Variants in CNTN4 observed in about 807,000 individuals in gnomAD.
The protein encoded by CNTN4 is contactin-4.
Under a neutral mutation model 122.5 loss-of-function variants are expected in CNTN4, and 77 were observed. That is an observed-to-expected ratio of 0.63 (90% confidence interval 0.52 to 0.76). CNTN4 has a LOEUF of 0.76. Ranked by LOEUF, CNTN4 falls within the 30% of genes least tolerant of loss-of-function variation. The probability of loss-of-function intolerance (pLI) is 0.00; values close to 1 mark genes in which losing one functional copy is unlikely to be tolerated. For missense variants in CNTN4, 1,256 were observed against 1,259.1 expected (o/e 1.00, Z 0.04); for synonymous variants, 512 against 447.0 (o/e 1.15, Z -1.83).
chr3:2,771,809 T>C lies in CNTN4; in HGVS notation c.358+26112T>C, dbSNP rs141284149. On this transcript the variant is annotated intron_variant, in intron 6 of 24. Transcript: ENST00000418658. ...AGACAGCAGTGTGCACAGTATGTAA[T>C]GAAAACATGGAGAAGCAATATGTAA... is the stretch of plus-strand genomic sequence containing the variant. Among the ~76,000 whole-genome samples, 36 of 152,272 alleles carry C rather than the reference T, an allele frequency of 2.4e-4. No homozygotes were observed. In the East Asian group the frequency reaches 6.0e-3, roughly 25 times the overall value.
At chr3:2,740,459 A>G (rs889675140) in intron 5 of CNTN4, among the ~76,000 whole-genome samples, 4 of 152,200 alleles carry the variant, frequency 2.6e-5, no homozygotes, top group African/African-American at 9.6e-5. Context: ...ATAAAATTAT[A>G]AAGAATATCA....
intron 3 of CNTN4, among the ~76,000 whole-genome samples, chr3:2,496,956 T>C (rs992256477): frequency 6.6e-6 from 1 of 152,156 alleles, no homozygotes; most frequent in Non-Finnish European, 1.5e-5. Context: ...CAGACAAAGA[T>C]GGATGTCCCA....
At chr3:2,540,543 T>C (rs1054873244) in intron 3 of CNTN4, among the ~76,000 whole-genome samples, 48 of 152,226 alleles carry the variant, frequency 3.2e-4, no homozygotes, top group Middle Eastern at 3.4e-3. Flanking sequence ...CCTACTGCTA[T>C]GGACATTTTA....
chr3:2,355,327 T>C (rs2044822991), intron 3 of CNTN4, among the ~76,000 whole-genome samples: 2 of 152,318 alleles, frequency 1.3e-5, no homozygotes, highest in Admixed American at 1.3e-4. Context: ...TTTTGGTCTG[T>C]GTAAAAATAT....
At chr3:2,792,580 C>G (rs1376812704) in intron 6 of CNTN4, among the ~76,000 whole-genome samples, 1 of 152,216 alleles carries the variant, frequency 6.6e-6, no homozygotes, top group African/African-American at 2.4e-5. Flanking sequence ...AGCAAATGCA[C>G]TCAGATTTTT....
At chr3:2,213,004 A>C (rs79550509) in intron 2 of CNTN4, among the ~76,000 whole-genome samples, 24 of 152,314 alleles carry the variant, frequency 1.6e-4, no homozygotes, top group African/African-American at 5.5e-4. Flanking sequence ...TGAAATAATG[A>C]ATTTTTCATT....
chr3:2,358,719 C>A (rs1186428384), intron 3 of CNTN4, among the ~76,000 whole-genome samples: 1 of 152,104 alleles, frequency 6.6e-6, no homozygotes, highest in African/African-American at 2.4e-5. Context: ...CATTTTTCAT[C>A]ATGCAGCTAA....
chr3:2,616,020 CTTT>C (rs35080057), intron 4 of CNTN4, among the ~76,000 whole-genome samples: 1 of 143,010 alleles, frequency 7.0e-6, no homozygotes, highest in Non-Finnish European at 1.5e-5. Context: ...CTCAGGCTGC[CTTT>C]TTTTTTTTTT....
intron 3 of CNTN4, among the ~76,000 whole-genome samples, chr3:2,568,246 G>T (rs2079261843): frequency 7.0e-6 from 1 of 142,308 alleles, no homozygotes. Context: ...TTGTACTGAG[G>T]TCTTCAGTGT....
chr3:2,434,176 AG>A (rs1284471055), intron 3 of CNTN4, among the ~76,000 whole-genome samples: 2 of 152,338 alleles, frequency 1.3e-5, no homozygotes, highest in East Asian at 3.9e-4. Flanking sequence ...AAAAATTAAA[AG>A]TATGTGAAGT....
Position 2,656,406 on chromosome 3 carries a change from T to C in CNTN4, c.56-79809T>C, listed in dbSNP as rs569399720. Among the ~76,000 whole-genome samples, 5 of 152,364 alleles carry C rather than the reference T, an allele frequency of 3.3e-5. No individual in the cohort carries two copies. The East Asian group carries it at 9.6e-4, about 29-fold the overall frequency. On this transcript the variant is annotated intron_variant, in intron 4 of 24. Transcript: ENST00000418658. ...CAGAAGTATCATCAGATCCCCTATCTGGTTCTCTTTAGAGCATGTTTCACC... is the reference window on the plus strand; with the variant it reads ...CAGAAGTATCATCAGATCCCCTATCCGGTTCTCTTTAGAGCATGTTTCACC...
intron 4 of CNTN4, among the ~76,000 whole-genome samples, chr3:2,635,288 G>A (rs2082615588): frequency 6.6e-6 from 1 of 152,118 alleles, no homozygotes; most frequent in African/African-American, 2.4e-5. Context: ...AAAGGACAGT[G>A]TGAGATATTG....
rs934325174 is a variant in CNTN4 at position 3,009,714 on chromosome 3, T to G, written c.1487-16388T>G. On this transcript the variant is annotated intron_variant, in intron 14 of 24. Coordinates refer to ENST00000418658, the MANE Select transcript of CNTN4 (RefSeq NM_175607.3). ...TCCCATAGTGCTGGGATTACAGGCG[T>G]GAGCCACCGCGCCCGGCCAGCATTT... is the stretch of plus-strand genomic sequence containing the variant. 3.9e-5 allele frequency among the ~76,000 whole-genome samples: 6 copies of G among 152,156 alleles called. No individual in the cohort carries two copies. The South Asian group carries it at 6.2e-4, about 16-fold the overall frequency.
At chr3:2,370,938 G>A (rs912295067) in intron 3 of CNTN4, among the ~76,000 whole-genome samples, 1 of 152,132 alleles carries the variant, frequency 6.6e-6, no homozygotes, top group Non-Finnish European at 1.5e-5. Flanking sequence ...CCTGAAAAGC[G>A]TGATTTAAAA....
intron 4 of CNTN4, among the ~76,000 whole-genome samples, chr3:2,671,001 C>T (rs1409241274): frequency 6.6e-6 from 1 of 152,160 alleles, no homozygotes; most frequent in East Asian, 1.9e-4. Flanking sequence ...GGTAACCCGA[C>T]CTTTCTCTCT....
At chr3:2,930,317 G>C (rs1454731805) in intron 13 of CNTN4, among the ~76,000 whole-genome samples, 2 of 152,134 alleles carry the variant, frequency 1.3e-5, no homozygotes, top group South Asian at 4.1e-4. Flanking sequence ...TGTTATACTA[G>C]AGAGAAAAAA....
At chr3:2,315,503 T>C (rs577727024) in intron 2 of CNTN4, among the ~76,000 whole-genome samples, 1 of 152,134 alleles carries the variant, frequency 6.6e-6, no homozygotes, top group Non-Finnish European at 1.5e-5. Flanking sequence ...AATGGTGGGC[T>C]TACGAGATTT....
At position 2,325,410 on chromosome 3, in the gene CNTN4, A is replaced by C. The variant is rs10460953; in HGVS notation, c.-144-13768A>C. Among the ~76,000 whole-genome samples the C allele has an allele frequency of 2.2e-4, 34 of 152,174 alleles. 1 individual carries two copies. In the South Asian group the frequency reaches 6.8e-3, roughly 31 times the overall value. On this transcript the variant is annotated intron_variant, in intron 2 of 24. Coordinates refer to ENST00000418658, the MANE Select transcript of CNTN4 (RefSeq NM_175607.3). ...TTTCCATTTTAATTTCTAATGTAGT[A>C]AATATCAATAAACCTAATCCATTAA...
intron 13 of CNTN4, among the ~76,000 whole-genome samples, chr3:2,977,652 G>T (rs557272861): frequency 6.6e-6 from 1 of 152,252 alleles, no homozygotes; most frequent in South Asian, 2.1e-4. Context: ...CCCCTCCTGC[G>T]TATCACTTCC....
Sources: allele counts gnomAD v4.1 joint callset (sites outside exome capture counted in the v4.1 genomes callset), GRCh38; gene constraint gnomAD v4.1.1; transcripts MANE v1.5; gene names NCBI Gene and HGNC (gene_info 2026-07-23, HGNC 2026-07-21).